EXOC6: variants seen among roughly 807,000 people sequenced by gnomAD.
EXOC6 encodes SEC15-like 1.
Under a neutral mutation model 112.5 loss-of-function variants are expected in EXOC6, and 60 were observed. The observed-to-expected ratio is 0.53, with a 90% confidence interval of 0.43 to 0.66. EXOC6 has a LOEUF of 0.66. Ranked by LOEUF, EXOC6 falls within the 30% of genes least tolerant of loss-of-function variation. EXOC6 has a pLI of 0.00. For synonymous variants in EXOC6, 295 were observed against 308.0 expected (o/e 0.96, Z 0.44); for missense variants, 855 against 957.1 (o/e 0.89, Z 1.41).
chr10:92,933,641 A>T (rs541090011), intron 9 of EXOC6, among the ~76,000 whole-genome samples: 1 of 152,352 alleles, frequency 6.6e-6, no homozygotes, highest in South Asian at 2.1e-4. Flanking sequence ...TTTATGAATG[A>T]AAGTCAAATG....
chr10:92,899,228 A>C (rs559613239), intron 4 of EXOC6, among the ~76,000 whole-genome samples: 2 of 152,172 alleles, frequency 1.3e-5, no homozygotes, highest in Non-Finnish European at 2.9e-5. Context: ...TTCTCTCTCA[A>C]ATAACTAAAG....
chr10:92,905,401 CG>C (rs1363515123), intron 5 of EXOC6, among the ~76,000 whole-genome samples: 52 of 151,960 alleles, frequency 3.4e-4, no homozygotes, highest in Non-Finnish European at 6.9e-4. Context: ...ATTGAGTCTT[CG>C]TATTCATTAA....
chr10:92,948,855 A>G (rs1466664937), intron 14 of EXOC6, among the ~76,000 whole-genome samples: 1 of 152,210 alleles, frequency 6.6e-6, no homozygotes, highest in Non-Finnish European at 1.5e-5. Context: ...TATATTGGTT[A>G]AATAAGTGAT....
intron 20 of EXOC6, among the ~76,000 whole-genome samples, chr10:93,024,282 T>C (rs968141529): frequency 6.6e-6 from 1 of 152,170 alleles, no homozygotes; most frequent in Non-Finnish European, 1.5e-5. Flanking sequence ...TGCTGGCTGA[T>C]GTATTGTTAC....
At chr10:92,927,619 C>G (rs1044489039) in intron 8 of EXOC6, among the ~76,000 whole-genome samples, 1 of 152,180 alleles carries the variant, frequency 6.6e-6, no homozygotes, top group Admixed American at 6.5e-5. Context: ...TTTTAGACAG[C>G]ACAGACATAG....
At position 92,915,780 on chromosome 10, in the gene EXOC6, G is replaced by T; in HGVS notation, c.686G>T (p.Ser229Ile). The T allele has an allele frequency of 3.3e-6, 5 of 1,534,340 alleles. No homozygotes were observed. Among genetic ancestry groups the T allele is most frequent in the Non-Finnish European group, 4.3e-6 (5 of 1,152,222 alleles). Reference sequence around the variant, plus strand: ...TAGGCACAGCATCAGAAAACCTTCAGTGTTTCTCTGCAGAAACAAAATAAA... The same window carrying T: ...TAGGCACAGCATCAGAAAACCTTCATTGTTTCTCTGCAGAAACAAAATAAA... ...MKQAQHQKTFSVSLQKQNKMK... is the reference protein window; with the variant it reads ...MKQAQHQKTFIVSLQKQNKMK... The change falls in exon 7 of 22, where the codon AGT becomes ATT. Residue 229 changes from serine (S) to isoleucine (I), a missense_variant. Physicochemically the swap from Ser to Ile is moderately radical, Grantham distance 142. Around this residue, in one of 2 missense-constraint regions of EXOC6, gnomAD observed 405 missense variants for 393.6 expected, o/e 1.03. Transcript: ENST00000260762.
intron 18 of EXOC6, among the ~76,000 whole-genome samples, chr10:92,996,100 A>G (rs534019454): frequency 6.6e-6 from 1 of 152,334 alleles, no homozygotes; most frequent in South Asian, 2.1e-4. Flanking sequence ...TGAGATAAGT[A>G]GGAAAAATAT....
At chr10:92,907,457 C>T (rs997526649) in intron 5 of EXOC6, among the ~76,000 whole-genome samples, 21 of 152,236 alleles carry the variant, frequency 1.4e-4, no homozygotes, top group African/African-American at 4.6e-4. Flanking sequence ...CTCATGGGAG[C>T]GCCAAGATGG....
At chr10:93,010,028 A>C (rs991563637) in intron 19 of EXOC6, among the ~76,000 whole-genome samples, 5 of 152,230 alleles carry the variant, frequency 3.3e-5, no homozygotes, top group Non-Finnish European at 7.3e-5. Context: ...AGTTTGTACT[A>C]AGGTAGAAAC....
At position 92,893,417 on chromosome 10, in the gene EXOC6, A is replaced by G; in HGVS notation, c.170A>G (p.Asn57Ser). The G allele has an allele frequency of 1.9e-6, 3 of 1,613,326 alleles. No homozygotes were observed. The highest frequency in any genetic ancestry group is 1.7e-4 in the Middle Eastern group (1 of 6,048). ...FMEKLDACIR[N>S]HDKEIEKMCN... Reference sequence around the variant, plus strand: ...GAAAAGTTAGATGCTTGTATCCGTAATCATGACAAGGAAATTGAAAAGATG... The same window carrying G: ...GAAAAGTTAGATGCTTGTATCCGTAGTCATGACAAGGAAATTGAAAAGATG... Residue 57 changes from asparagine (N) to serine (S), a missense_variant, in exon 2 of 22, where the codon AAT (asparagine) becomes AGT (serine). This residue lies in a region of EXOC6 where 405 missense variants were observed against 393.6 expected (regional missense o/e 1.03). Coordinates refer to ENST00000260762, the MANE Select transcript of EXOC6 (RefSeq NM_019053.6).
At chr10:93,025,954 G>C (rs1276129500) in intron 20 of EXOC6, among the ~76,000 whole-genome samples, 1 of 152,130 alleles carries the variant, frequency 6.6e-6, no homozygotes. Context: ...TAACACCAAA[G>C]ATAAAAGTAG....
intron 1 of EXOC6, among the ~76,000 whole-genome samples, chr10:92,828,909 C>T (rs1018291225): frequency 2.0e-5 from 3 of 151,910 alleles, no homozygotes; most frequent in African/African-American, 2.4e-5. Flanking sequence ...GAAATTATTT[C>T]GGCAGATAGA....
intron 9 of EXOC6, among the ~76,000 whole-genome samples, chr10:92,931,649 C>T (rs1404450890): frequency 6.6e-6 from 1 of 150,776 alleles, no homozygotes; most frequent in Non-Finnish European, 1.5e-5. Context: ...AGACATTTTA[C>T]CAAAGATAAA....
rs201348432 is a variant in EXOC6 at position 92,967,116 on chromosome 10, G to A, written c.1774-6937G>A. Among the ~76,000 whole-genome samples, 10 of 151,522 alleles carry A rather than the reference G, an allele frequency of 6.6e-5. No individual in the cohort carries two copies. The East Asian group carries it at 1.7e-3, about 26-fold the overall frequency. On this transcript the variant is annotated intron_variant, in intron 17 of 21. Coordinates refer to ENST00000260762, the MANE Select transcript of EXOC6 (RefSeq NM_019053.6). ...TGAGAAGTGTCTGGTCATATCCTTCGCCCACTTTTTGATGGGGTTGTTTGT... is the reference window on the plus strand; with the variant it reads ...TGAGAAGTGTCTGGTCATATCCTTCACCCACTTTTTGATGGGGTTGTTTGT...
chr10:92,838,667 T>C (rs1846738472), intron 1 of EXOC6, among the ~76,000 whole-genome samples: 1 of 152,156 alleles, frequency 6.6e-6, no homozygotes, highest in Non-Finnish European at 1.5e-5. Flanking sequence ...AAGTAGAATT[T>C]GATGTTAGCC....
intron 17 of EXOC6, among the ~76,000 whole-genome samples, chr10:92,967,438 T>C (rs1460147578): frequency 6.6e-6 from 1 of 152,170 alleles, no homozygotes; most frequent in Non-Finnish European, 1.5e-5. Context: ...CCCATATTGC[T>C]TTTTTAAATC....
At chr10:92,947,128 C>T (rs773092931) in intron 13 of EXOC6, among the ~76,000 whole-genome samples, 3 of 152,150 alleles carry the variant, frequency 2.0e-5, no homozygotes, top group Non-Finnish European at 2.9e-5. Context: ...ATGACAGTTA[C>T]GTTAGGACAG....
chr10:92,936,822 C>T lies in EXOC6; in HGVS notation c.1212+937C>T, dbSNP rs117147086. Among the ~76,000 whole-genome samples, 114 of 152,146 alleles carry T rather than the reference C, an allele frequency of 7.5e-4. 1 individual carries two copies. The East Asian group carries it at 0.02, about 26-fold the overall frequency. The stretch of plus-strand genomic sequence containing the variant: ...TTAACAGTAATATTATTCTCTCCCT[C>T]CTCGATATTAGGAAAAATATCACAG... On this transcript the variant is annotated intron_variant, in intron 12 of 21. Coordinates refer to ENST00000260762, the MANE Select transcript of EXOC6 (RefSeq NM_019053.6).
At chr10:93,050,797 G>A (rs190503272) in intron 20 of EXOC6, among the ~76,000 whole-genome samples, 5 of 108,892 alleles carry the variant, frequency 4.6e-5, no homozygotes, top group African/African-American at 1.6e-4. Context: ...GCTTGAATCC[G>A]GGAGGAGAAG....
Sources: gnomAD v4.1 joint callset for allele counts (sites outside exome capture counted in the v4.1 genomes callset) on GRCh38, gnomAD v4.1.1 for gene constraint, gnomAD v4.1.1 regional missense constraint, MANE v1.5 for transcripts, NCBI Gene and HGNC (gene_info 2026-07-23, HGNC 2026-07-21) for gene names.